DCC: variants seen among roughly 807,000 people sequenced by gnomAD.
The protein encoded by DCC is DCC netrin 1 receptor, also known as netrin receptor DCC.
DCC carries 58 observed loss-of-function variants against 172.5 expected under a neutral mutation model. That is an observed-to-expected ratio of 0.34 (90% CI 0.27 to 0.42). The LOEUF (loss-of-function observed/expected upper bound fraction) is 0.42, where lower values mean the gene tolerates loss of function less well. Among genes scored for constraint, DCC ranks in the 10% least tolerant of loss-of-function variants. DCC has a pLI of 1.00. For synonymous variants in DCC, 709 were observed against 644.5 expected, an observed-to-expected ratio of 1.10 and a Z score of -1.52; for missense variants, 1,740 against 1,791.0, an observed-to-expected ratio of 0.97 and a Z score of 0.51.
intron 12 of DCC, among the ~76,000 whole-genome samples, chr18:53,289,295 C>A (rs555362889): frequency 4.6e-5 from 7 of 152,042 alleles, no homozygotes; most frequent in Admixed American, 3.3e-4. Context: ...TGGAATCACA[C>A]GAATAGGAGA....
chr18:52,405,630 C>A (rs1986617238), intron 1 of DCC, among the ~76,000 whole-genome samples: 1 of 150,988 alleles, frequency 6.6e-6, no homozygotes. Context: ...TGAAGGACCT[C>A]TTCAAGGAGA....
At chr18:53,013,247 C>T (rs187949313) in intron 5 of DCC, among the ~76,000 whole-genome samples, 33 of 152,096 alleles carry the variant, frequency 2.2e-4, no homozygotes, top group Middle Eastern at 3.4e-3. Flanking sequence ...CACATGCACA[C>T]GTATGTTTAT....
chr18:52,550,721 G>A (rs1376465179), intron 1 of DCC, among the ~76,000 whole-genome samples: 2 of 152,188 alleles, frequency 1.3e-5, no homozygotes, highest in South Asian at 4.1e-4. Context: ...GGCCACCAAA[G>A]CTGACTGTGG....
At chr18:52,746,966 GGGA>G (rs573886015) in intron 1 of DCC, among the ~76,000 whole-genome samples, 37 of 150,788 alleles carry the variant, frequency 2.5e-4, no homozygotes, top group South Asian at 8.4e-4. Flanking sequence ...GAAGTGTAAG[GGGA>G]GGAGGAGGAG....
chr18:52,966,135 C>T (rs2040925940), intron 5 of DCC, among the ~76,000 whole-genome samples: 2 of 152,112 alleles, frequency 1.3e-5, no homozygotes, highest in African/African-American at 2.4e-5. Flanking sequence ...ACAAGCAATC[C>T]TATCTAACCT....
At chr18:53,435,700 G>A (rs1319206517) in intron 22 of DCC, among the ~76,000 whole-genome samples, 1 of 152,060 alleles carries the variant, frequency 6.6e-6, no homozygotes, top group African/African-American at 2.4e-5. Context: ...AATTTTCTTT[G>A]TGTTGTCTAC....
intron 1 of DCC, among the ~76,000 whole-genome samples, chr18:52,591,661 C>A (rs2033801891): frequency 6.6e-6 from 1 of 152,126 alleles, no homozygotes. Context: ...CAGCTCACTG[C>A]AACCTCGATC....
At chr18:52,914,202 TA>T (rs34965181) in intron 3 of DCC, among the ~76,000 whole-genome samples, 4 of 150,236 alleles carry the variant, frequency 2.7e-5, no homozygotes, top group African/African-American at 7.3e-5. Context: ...GCTGCAAAAT[TA>T]AAAAAAAAAT....
chr18:52,369,387 C>T (rs1433181055), intron 1 of DCC, among the ~76,000 whole-genome samples: 1 of 152,044 alleles, frequency 6.6e-6, no homozygotes, highest in Non-Finnish European at 1.5e-5. Context: ...TTACAAACAC[C>T]TGACCATCAG....
intron 1 of DCC, among the ~76,000 whole-genome samples, chr18:52,750,485 C>T (rs988387814): frequency 3.3e-5 from 5 of 152,142 alleles, no homozygotes; most frequent in African/African-American, 7.2e-5. Context: ...CATTATTTTA[C>T]AATTTATATT....
intron 9 of DCC, among the ~76,000 whole-genome samples, chr18:53,179,418 C>T (rs1374579472): frequency 2.0e-5 from 3 of 152,168 alleles, no homozygotes; most frequent in African/African-American, 7.2e-5. Flanking sequence ...TTATCCTCAT[C>T]ATTGAGTTTC....
rs2057634496 is a variant in DCC, at chr18:53,339,766, T to C, written c.2218T>C (p.Cys740Arg). Reference protein sequence around the residue: ...SSLHVRPQTNCIIMSWTPPLN... With the variant: ...SSLHVRPQTNRIIMSWTPPLN... ...TCTTCATGTGAGGCCCCAGACTAAC[T>C]GCATCATCATGAGTTGGACTCCTCC... The change falls in exon 15 of 29, where the codon TGC (cysteine) becomes CGC (arginine). Residue 740 changes from cysteine (C) to arginine (R), a missense_variant. Cys to Arg is a radical substitution (Grantham distance 180). This residue lies in a region of DCC where 1,732 missense variants were observed against 1,767.4 expected (regional missense o/e 0.98). Transcript: ENST00000442544. The C allele has an allele frequency of 6.2e-7, 1 of 1,613,964 alleles. No individual in the cohort carries two copies. The highest frequency in any genetic ancestry group is 8.5e-7 in the Non-Finnish European group (1 of 1,179,942).
chr18:53,234,732 A>T (rs1298947077), intron 12 of DCC, among the ~76,000 whole-genome samples: 1 of 152,194 alleles, frequency 6.6e-6, no homozygotes, highest in Non-Finnish European at 1.5e-5. Context: ...ACCAGTGCTT[A>T]CTCTGGATTA....
chr18:52,669,502 C>T (rs966032487), intron 1 of DCC, among the ~76,000 whole-genome samples: 4 of 152,154 alleles, frequency 2.6e-5, no homozygotes, highest in Admixed American at 2.6e-4. Flanking sequence ...ACAAGGACAG[C>T]TTAAAGGTTA....
chr18:52,340,755 G>C lies in DCC; in HGVS notation c.-33G>C, dbSNP rs756908667. On this transcript the variant is annotated 5_prime_UTR_variant, in exon 1 of 29. Transcript: ENST00000442544. ...ATGTGTGTGAGTGCTGCCGCTGCCCGCGACCCCTGGCCCCGAAGGTGTTGG... is the reference window on the plus strand; with the variant it reads ...ATGTGTGTGAGTGCTGCCGCTGCCCCCGACCCCTGGCCCCGAAGGTGTTGG... 6.4e-7 allele frequency: 1 copy of C among 1,558,948 alleles called. No homozygotes were observed. The highest frequency in any genetic ancestry group is 8.8e-7 in the Non-Finnish European group (1 of 1,130,258).
At chr18:52,979,572 C>A (rs1289479987) in intron 5 of DCC, among the ~76,000 whole-genome samples, 3 of 152,200 alleles carry the variant, frequency 2.0e-5, no homozygotes, top group African/African-American at 7.2e-5. Flanking sequence ...AATATTCCCT[C>A]TCCCAAGTAA....
intron 2 of DCC, among the ~76,000 whole-genome samples, chr18:52,783,344 TTTTTTTTTTTTTTTTTTAC>T (rs2037590216): frequency 2.5e-5 from 3 of 118,834 alleles, no homozygotes; most frequent in Admixed American, 8.5e-5. Flanking sequence ...TTTTTTTTTT[TTTTTTTTTTTTTTTTTTAC>T]AACACAAAGG....
intron 13 of DCC, among the ~76,000 whole-genome samples, chr18:53,316,758 G>A (rs572260212): frequency 8.6e-5 from 13 of 151,412 alleles, no homozygotes; most frequent in African/African-American, 1.2e-4. Flanking sequence ...GGCTATTATC[G>A]GTGTATAGGA....
intron 1 of DCC, among the ~76,000 whole-genome samples, chr18:52,646,724 G>A (rs2035026661): frequency 1.3e-5 from 2 of 152,174 alleles, no homozygotes; most frequent in Non-Finnish European, 2.9e-5. Flanking sequence ...CCAAGCACAG[G>A]AACTTCTGTT....
Sources: gnomAD v4.1 joint callset for allele counts (sites outside exome capture counted in the v4.1 genomes callset) on GRCh38, gnomAD v4.1.1 for gene constraint, gnomAD v4.1.1 regional missense constraint, MANE v1.5 for transcripts, NCBI Gene and HGNC (gene_info 2026-07-23, HGNC 2026-07-21) for gene names.